TSGA10: variants seen among roughly 807,000 people sequenced by gnomAD.
TSGA10 encodes testis specific 10.
In TSGA10, 43 loss-of-function variants were observed where a neutral mutation model predicts 96.6. The observed-to-expected ratio is 0.44, with a 90% CI of 0.35 to 0.57. The LOEUF (loss-of-function observed/expected upper bound fraction) is 0.57, where lower values mean the gene tolerates loss of function less well. Ranked by LOEUF, TSGA10 falls within the 20% of genes least tolerant of loss-of-function variation. The pLI is 0.01. For synonymous variants in TSGA10, 229 were observed against 269.9 expected (o/e 0.85, Z 1.48); for missense variants, 703 against 834.4 (o/e 0.84, Z 1.94).
intron 16 of TSGA10, among the ~76,000 whole-genome samples, chr2:99,043,188 A>T (rs1558820849): frequency 6.6e-6 from 1 of 152,094 alleles, no homozygotes; most frequent in African/African-American, 2.4e-5. Context: ...TATATAAATC[A>T]TTTTTTTAAA....
chr2:99,079,989 C>T (rs879195648), intron 11 of TSGA10, among the ~76,000 whole-genome samples: 3 of 152,114 alleles, frequency 2.0e-5, no homozygotes, highest in Admixed American at 2.0e-4. Context: ...GAGTTCATTC[C>T]CACTGGCAAT....
At chr2:99,123,000 AACC>A (rs2092657899) in intron 2 of TSGA10, among the ~76,000 whole-genome samples, 1 of 152,162 alleles carries the variant, frequency 6.6e-6, no homozygotes, top group African/African-American at 2.4e-5. Context: ...ACTTTCCCTC[AACC>A]TTCAAGGATA....
At chr2:99,015,412 C>T (rs1267706829) in intron 20 of TSGA10, among the ~76,000 whole-genome samples, 1 of 152,054 alleles carries the variant, frequency 6.6e-6, no homozygotes, top group East Asian at 1.9e-4. Context: ...TTAATAGATG[C>T]AGAAAAAGCA....
chr2:99,049,167 T>C (rs536128177), intron 16 of TSGA10, among the ~76,000 whole-genome samples: 2 of 152,296 alleles, frequency 1.3e-5, no homozygotes, highest in South Asian at 4.1e-4. Context: ...TGGAAGACAG[T>C]GTGGTGATTC....
At chr2:99,154,951 G>T (rs1434965635), upstream of TSGA10, 1 of 454,908 alleles carries the variant, frequency 2.2e-6, no homozygotes, top group South Asian at 1.6e-5. Context: ...TCAGGGGGCG[G>T]GGCAGCATCG....
At chr2:99,077,970 A>G (rs2086933369) in intron 12 of TSGA10, among the ~76,000 whole-genome samples, 1 of 151,776 alleles carries the variant, frequency 6.6e-6, no homozygotes, top group Non-Finnish European at 1.5e-5. Context: ...CCTGAGGATG[A>G]TGTAAAAATG....
intron 1 of TSGA10, among the ~76,000 whole-genome samples, chr2:99,143,141 T>A (rs2093591671): frequency 7.9e-6 from 1 of 126,994 alleles, no homozygotes; most frequent in African/African-American, 3.2e-5. Flanking sequence ...ACCTTTTTTT[T>A]TTTTTTTTTT....
intron 10 of TSGA10, among the ~76,000 whole-genome samples, chr2:99,094,838 G>A (rs2089841824): frequency 6.6e-6 from 1 of 152,208 alleles, no homozygotes; most frequent in Non-Finnish European, 1.5e-5. Flanking sequence ...ATGGAAAACA[G>A]TGTGGAGATT....
chr2:99,059,913 C>CA (rs35460548), intron 16 of TSGA10, among the ~76,000 whole-genome samples: 8,141 of 53,652 alleles, frequency 0.15, 568 homozygotes, highest in East Asian at 0.31. Context: ...GACCCCATCT[C>CA]AAAAAAAAAA....
At chr2:99,007,043 C>T (rs1276150581) in intron 20 of TSGA10, among the ~76,000 whole-genome samples, 1 of 151,230 alleles carries the variant, frequency 6.6e-6, no homozygotes, top group Non-Finnish European at 1.5e-5. Context: ...ATCACAATGA[C>T]AGAAAACCAA....
In TSGA10 at chr2:99,071,780, T is replaced by G; in HGVS notation, c.1033A>C (p.Arg345=). 1 of 1,614,056 alleles carries G rather than the reference T, an allele frequency of 6.2e-7. No homozygotes were observed. The highest frequency in any genetic ancestry group is 8.5e-7 in the Non-Finnish European group (1 of 1,179,922). ...TCATGAGCCAAGATATCTCTTTCCC[T>G]GGCGATCTGGGCCAGCTCATCATTT... The part of the protein sequence containing the change: ...ETNDELAQIA[R]ERDILAHDND... Residue 345 remains arginine, a synonymous_variant, in exon 14 of 21, where the codon AGG becomes CGG. Coordinates refer to ENST00000393483, the MANE Select transcript of TSGA10 (RefSeq NM_025244.4).
At chr2:99,116,668 A>G (rs536890449) in intron 4 of TSGA10, among the ~76,000 whole-genome samples, 2 of 152,268 alleles carry the variant, frequency 1.3e-5, no homozygotes, top group Admixed American at 1.3e-4. Context: ...CCTGAACAAG[A>G]ACCAAATCTC....
intron 16 of TSGA10, among the ~76,000 whole-genome samples, chr2:99,060,923 A>G (rs2084622315): frequency 6.6e-6 from 1 of 152,230 alleles, no homozygotes; most frequent in Admixed American, 6.5e-5. Context: ...ACAAGTATTA[A>G]TTCAATTGTA....
intron 10 of TSGA10, among the ~76,000 whole-genome samples, chr2:99,101,780 A>G (rs1327767079): frequency 6.6e-6 from 1 of 152,194 alleles, no homozygotes; most frequent in African/African-American, 2.4e-5. Flanking sequence ...TGCTAAGTGA[A>G]ATAAGACAAC....
In TSGA10 at chr2:98,998,040, A is replaced by G; in HGVS notation, c.*157T>C. ...TTATAAGTCATCTCAGATCACTGCAACATGGCACATTAGAACAGAGATTCA... is the reference window on the plus strand; with the variant it reads ...TTATAAGTCATCTCAGATCACTGCAGCATGGCACATTAGAACAGAGATTCA... On this transcript the variant is annotated 3_prime_UTR_variant, in exon 21 of 21. Coordinates refer to ENST00000393483, the MANE Select transcript of TSGA10 (RefSeq NM_025244.4). 1.5e-6 allele frequency: 1 copy of G among 683,512 alleles called. No individual in the cohort carries two copies. The highest frequency in any genetic ancestry group is 2.4e-6 in the Non-Finnish European group (1 of 409,070). 42.3% of individuals were successfully genotyped at this position (683,512 alleles called of 1,614,324 possible).
At chr2:99,013,999 A>G (rs1204107711) in intron 20 of TSGA10, among the ~76,000 whole-genome samples, 1 of 151,974 alleles carries the variant, frequency 6.6e-6, no homozygotes, top group Non-Finnish European at 1.5e-5. Context: ...CTAAAAACAC[A>G]AAAAAATTAG....
intron 17 of TSGA10, among the ~76,000 whole-genome samples, chr2:99,028,984 T>C (rs2080904042): frequency 6.6e-6 from 1 of 152,130 alleles, no homozygotes; most frequent in South Asian, 2.1e-4. Flanking sequence ...ACAGAAATGG[T>C]AAAAAGTAGA....
chr2:99,149,423 C>T (rs1047745726), intron 1 of TSGA10, among the ~76,000 whole-genome samples: 2 of 151,186 alleles, frequency 1.3e-5, no homozygotes, highest in Non-Finnish European at 2.9e-5. Context: ...CAAGGCCTCC[C>T]TCCATGCTAC....
Position 99,154,662 on chromosome 2 carries a change from C to A in TSGA10, c.-621+31G>T, listed in dbSNP as rs200152717. 55 of 200,874 alleles carry A rather than the reference C, an allele frequency of 2.7e-4. No homozygotes were observed. In the East Asian group the frequency reaches 6.3e-3, roughly 23 times the overall value. 12.4% of individuals were successfully genotyped at this position (200,874 alleles called of 1,614,324 possible). On this transcript the variant is annotated intron_variant, in intron 1 of 20. Coordinates refer to ENST00000393483, the MANE Select transcript of TSGA10 (RefSeq NM_025244.4). ...CCCCTAAACTCGCTCCACGAAATGA[C>A]CCCTCCAACCTGGCACGCCCGCTCT...
Sources: allele counts gnomAD v4.1 joint callset (sites outside exome capture counted in the v4.1 genomes callset), GRCh38; gene constraint gnomAD v4.1.1; transcripts MANE v1.5; gene names NCBI Gene and HGNC (gene_info 2026-07-23, HGNC 2026-07-21).